CPNE4: variants seen among roughly 807,000 people sequenced by gnomAD.
CPNE4 encodes copine-4.
CPNE4 carries 25 observed loss-of-function variants against 67.9 expected under a neutral mutation model. The ratio of observed to expected loss-of-function variants is 0.37; its 90% CI spans 0.27 to 0.51. The LOEUF (loss-of-function observed/expected upper bound fraction) is 0.51, where lower values mean the gene tolerates loss of function less well. CPNE4 is among the 20% of genes least tolerant of loss of function. CPNE4 has a pLI of 0.93. For synonymous variants in CPNE4, 242 were observed against 244.9 expected (o/e 0.99, Z 0.11); for missense variants, 464 against 690.8 (o/e 0.67, Z 3.68).
chr3:131,699,635 A>C (rs1418280743), intron 4 of CPNE4, among the ~76,000 whole-genome samples: 1 of 152,218 alleles, frequency 6.6e-6, no homozygotes. Flanking sequence ...CTCCACTAAA[A>C]TCTATCTTGC....
chr3:131,606,521 T>C (rs1412410490), intron 7 of CPNE4, among the ~76,000 whole-genome samples: 1 of 152,224 alleles, frequency 6.6e-6, no homozygotes, highest in Middle Eastern at 3.2e-3. Context: ...CACGTGGTTC[T>C]GGACCCTCCG....
intron 1 of CPNE4, among the ~76,000 whole-genome samples, chr3:132,001,016 C>T (rs1384222195): frequency 2.0e-5 from 3 of 151,920 alleles, no homozygotes; most frequent in Non-Finnish European, 4.4e-5. Context: ...AACAAGCCCT[C>T]AACAAAACCA....
chr3:131,829,162 G>A (rs1020357529), intron 2 of CPNE4, among the ~76,000 whole-genome samples: 1 of 152,132 alleles, frequency 6.6e-6, no homozygotes, highest in South Asian at 2.1e-4. Context: ...AGAATGGAAA[G>A]GCCTTCCCCC....
At chr3:132,034,125 A>AT (rs1342149178) in intron 1 of CPNE4, among the ~76,000 whole-genome samples, 1 of 152,192 alleles carries the variant, frequency 6.6e-6, no homozygotes, top group Non-Finnish European at 1.5e-5. Context: ...AGGTCAAGCC[A>AT]TTGGAAGGGA....
chr3:131,673,854 A>G (rs572408145), intron 6 of CPNE4, among the ~76,000 whole-genome samples: 157 of 152,080 alleles, frequency 1.0e-3, no homozygotes, highest in Non-Finnish European at 2.0e-3. Context: ...TCCATGTTGA[A>G]TAACAGTGAT....
intron 3 of CPNE4, among the ~76,000 whole-genome samples, chr3:131,701,306 T>C (rs1227184956): frequency 6.6e-6 from 1 of 152,090 alleles, no homozygotes; most frequent in Non-Finnish European, 1.5e-5. Flanking sequence ...ACATCATCCA[T>C]TGTGGCTGGA....
At chr3:131,667,596 C>T (rs2080297450) in intron 7 of CPNE4, among the ~76,000 whole-genome samples, 1 of 151,816 alleles carries the variant, frequency 6.6e-6, no homozygotes, top group South Asian at 2.1e-4. Flanking sequence ...ATCCTTCTCT[C>T]CCCCCTCCCT....
intron 1 of CPNE4, among the ~76,000 whole-genome samples, chr3:132,002,816 A>T (rs2073490987): frequency 6.6e-6 from 1 of 152,178 alleles, no homozygotes; most frequent in Non-Finnish European, 1.5e-5. Context: ...TTTAAATAGA[A>T]GAATGGATCA....
At chr3:131,747,563 G>C (rs1408948834) in intron 2 of CPNE4, among the ~76,000 whole-genome samples, 4 of 151,880 alleles carry the variant, frequency 2.6e-5, no homozygotes, top group Non-Finnish European at 5.9e-5. Context: ...TTTGAGACAG[G>C]GTCTCACTAC....
chr3:131,609,989 G>A (rs995889595), intron 7 of CPNE4, among the ~76,000 whole-genome samples: 11 of 152,146 alleles, frequency 7.2e-5, no homozygotes, highest in African/African-American at 2.7e-4. Context: ...AATGAGTAAA[G>A]TAGGTTTGCA....
intron 2 of CPNE4, among the ~76,000 whole-genome samples, chr3:131,865,163 T>G (rs1398435145): frequency 6.6e-6 from 1 of 152,094 alleles, no homozygotes. Context: ...GGTCTAAAAT[T>G]CCCTTTTTTT....
At chr3:131,914,287 A>T (rs529476613) in intron 1 of CPNE4, among the ~76,000 whole-genome samples, 1 of 152,158 alleles carries the variant, frequency 6.6e-6, no homozygotes, top group Non-Finnish European at 1.5e-5. Context: ...CTTATAGGTT[A>T]GCTGCTTAAC....
At chr3:131,602,034 C>T (rs1384045167) in intron 7 of CPNE4, among the ~76,000 whole-genome samples, 1 of 152,172 alleles carries the variant, frequency 6.6e-6, no homozygotes, top group Non-Finnish European at 1.5e-5. Flanking sequence ...GAATTTAGTA[C>T]ACCTAAGAAG....
intron 1 of CPNE4, among the ~76,000 whole-genome samples, chr3:131,970,630 T>C (rs1281607373): frequency 6.6e-6 from 1 of 152,220 alleles, no homozygotes; most frequent in East Asian, 1.9e-4. Context: ...TGCTGCACTT[T>C]CTAGGTCCTC....
chr3:131,581,581 T>G lies in CPNE4; in HGVS notation c.865A>C (p.Lys289Gln), dbSNP rs771041809. The change falls in exon 9 of 16, where the codon AAG (lysine) becomes CAG (glutamine). Residue 289 changes from lysine to glutamine, a missense_variant and splice_region_variant. By Grantham distance (53) the Lys-to-Gln change is moderately conservative. This residue lies in a region of CPNE4 where 201 missense variants were observed against 357.7 expected (regional missense o/e 0.56). Transcript: ENST00000429747. Reference protein sequence around the residue: ...NSGTVILNLCKIHKMHSFLDY... With the variant: ...NSGTVILNLCQIHKMHSFLDY... ...GGAAGAGAGGGTTGTGTACATACCTTGCACAGATTCAGAATCACAGTGCCT... is the reference window on the plus strand; with the variant it reads ...GGAAGAGAGGGTTGTGTACATACCTGGCACAGATTCAGAATCACAGTGCCT... 6.2e-7 allele frequency: 1 copy of G among 1,608,420 alleles called. No homozygotes were observed.
At chr3:131,814,013 T>C (rs1457245217) in intron 2 of CPNE4, among the ~76,000 whole-genome samples, 1 of 152,310 alleles carries the variant, frequency 6.6e-6, no homozygotes, top group Non-Finnish European at 1.5e-5. Context: ...AAGGCATCAA[T>C]TTTATATGGT....
intron 9 of CPNE4, among the ~76,000 whole-genome samples, chr3:131,578,549 G>T (rs1937611647): frequency 6.6e-6 from 1 of 152,208 alleles, no homozygotes; most frequent in Non-Finnish European, 1.5e-5. Context: ...TAAACTTAGT[G>T]AGGAAGGCAT....
intron 2 of CPNE4, among the ~76,000 whole-genome samples, chr3:131,777,623 G>T (rs2083323524): frequency 6.6e-6 from 1 of 151,998 alleles, no homozygotes; most frequent in Non-Finnish European, 1.5e-5. Flanking sequence ...TCTTTGGGCG[G>T]TTGTCTCATC....
At chr3:131,875,290 T>A (rs1397372890) in intron 2 of CPNE4, among the ~76,000 whole-genome samples, 2 of 152,116 alleles carry the variant, frequency 1.3e-5, no homozygotes, top group Non-Finnish European at 2.9e-5. Context: ...GATCTAGAAC[T>A]AGAAATTCCA....
Sources: gnomAD v4.1 joint callset for allele counts (sites outside exome capture counted in the v4.1 genomes callset) on GRCh38, gnomAD v4.1.1 for gene constraint, gnomAD v4.1.1 regional missense constraint, MANE v1.5 for transcripts, NCBI Gene and HGNC (gene_info 2026-07-23, HGNC 2026-07-21) for gene names.